ERI1: variants seen among roughly 807,000 people sequenced by gnomAD.
ERI1 encodes the protein 3'-5' exoribonuclease 1.
In ERI1, 39 loss-of-function variants were observed where a neutral mutation model predicts 39.7. That is an observed-to-expected ratio of 0.98 (90% CI 0.76 to 1.28). ERI1 has a LOEUF of 1.28. Among genes scored for constraint, ERI1 ranks in the 50% most tolerant of loss-of-function variants. The pLI, the probability that ERI1 is intolerant of heterozygous loss-of-function variation, is 0.00. For missense variants in ERI1, 581 were observed against 416.9 expected, an observed-to-expected ratio of 1.39 and a Z score of -3.43; for synonymous variants, 204 against 149.6, an observed-to-expected ratio of 1.36 and a Z score of -2.65.
intron 3 of ERI1, among the ~76,000 whole-genome samples, chr8:9,060,876 A>G (rs1798671332): frequency 6.6e-6 from 1 of 152,248 alleles, no homozygotes. Flanking sequence ...TTCTTTTGGA[A>G]GTAAAGCGGC....
rs1036650855 is a variant in ERI1 at position 9,002,941 on chromosome 8, C to A, written c.-123C>A. ...AGGTGGCCGCTGGAGTTTGTGTGGCCGCCGCCGCGGGAACGCGAGCCCGGT... is the reference window on the plus strand; with the variant it reads ...AGGTGGCCGCTGGAGTTTGTGTGGCAGCCGCCGCGGGAACGCGAGCCCGGT... On this transcript the variant is annotated 5_prime_UTR_variant, in exon 1 of 7. Transcript: ENST00000250263. The A allele has an allele frequency of 1.1e-5, 8 of 699,026 alleles. No homozygotes were observed. The highest frequency in any genetic ancestry group is 3.7e-5 in the African/African-American group (2 of 54,372). The allele number at this position is 699,026 out of a possible 1,614,324, so 43.3% of individuals were successfully genotyped here.
intron 2 of ERI1, among the ~76,000 whole-genome samples, chr8:9,010,190 T>C (rs376727551): frequency 4.6e-5 from 7 of 152,192 alleles, no homozygotes; most frequent in African/African-American, 1.7e-4. Flanking sequence ...GCAAAGGAGA[T>C]GTTAAAGATA....
At chr8:9,081,134 A>G (rs907591951) in intron 3 of ERI1, among the ~76,000 whole-genome samples, 2 of 152,210 alleles carry the variant, frequency 1.3e-5, no homozygotes, top group East Asian at 1.9e-4. Context: ...TATAAAGACC[A>G]TCAGATCTCT....
chr8:9,028,151 C>G (rs1012003024), intron 6 of ERI1, among the ~76,000 whole-genome samples: 5 of 152,120 alleles, frequency 3.3e-5, no homozygotes, highest in African/African-American at 1.2e-4. Flanking sequence ...AGACTTGGTT[C>G]TAATTCTTTA....
chr8:9,045,525 G>A (rs1798147569), intron 3 of ERI1, among the ~76,000 whole-genome samples: 1 of 152,006 alleles, frequency 6.6e-6, no homozygotes, highest in African/African-American at 2.4e-5. Flanking sequence ...CCCTGGGCAT[G>A]GTGGCTCATG....
intron 1 of ERI1, chr8:9,004,085 G>A (rs73522591): frequency 7.8e-7 from 1 of 1,289,190 alleles, no homozygotes; most frequent in Non-Finnish European, 1.0e-6. Flanking sequence ...GCCCCTCGCT[G>A]CCTTGTGTTC....
At chr8:9,044,367 G>A (rs1296666031) in intron 3 of ERI1, among the ~76,000 whole-genome samples, 3 of 152,114 alleles carry the variant, frequency 2.0e-5, no homozygotes, top group Non-Finnish European at 4.4e-5. Context: ...GGTGACTTTG[G>A]TGTGGGAATC....
At chr8:9,072,845 G>A (rs957693741) in intron 3 of ERI1, among the ~76,000 whole-genome samples, 16 of 152,318 alleles carry the variant, frequency 1.1e-4, no homozygotes, top group African/African-American at 3.8e-4. Context: ...CACCGAGTGT[G>A]CTCGGGTGAA....
chr8:9,073,016 C>T (rs1299701581), intron 3 of ERI1, among the ~76,000 whole-genome samples: 2 of 152,226 alleles, frequency 1.3e-5, no homozygotes, highest in East Asian at 3.8e-4. Context: ...TTAATTTACA[C>T]CCCTCTTCTA....
At chr8:9,094,187 C>T (rs1432471211) in intron 3 of ERI1, among the ~76,000 whole-genome samples, 2 of 152,114 alleles carry the variant, frequency 1.3e-5, no homozygotes, top group African/African-American at 2.4e-5. Context: ...ACATTAGCTA[C>T]GGTGTTTCTT....
chr8:9,073,375 A>G (rs533855498), intron 3 of ERI1, among the ~76,000 whole-genome samples: 1 of 152,302 alleles, frequency 6.6e-6, no homozygotes, highest in East Asian at 1.9e-4. Flanking sequence ...ATGATCCCCA[A>G]TACTTCCAAG....
chr8:9,055,931 G>A (rs1017720412), intron 3 of ERI1, among the ~76,000 whole-genome samples: 1 of 152,216 alleles, frequency 6.6e-6, no homozygotes, highest in African/African-American at 2.4e-5. Flanking sequence ...AGTTTCTGTG[G>A]CTTGCCTCAG....
At position 9,018,515 on chromosome 8, in the gene ERI1, G is replaced by A. The variant is rs987468051; in HGVS notation, c.692+109G>A. 3 of 629,418 alleles carry A rather than the reference G, an allele frequency of 4.8e-6. No homozygotes were observed. The African/African-American group carries it at 5.5e-5, about 12-fold the overall frequency. 39.0% of individuals were successfully genotyped at this position (629,418 alleles called of 1,614,324 possible). A position where few individuals can be genotyped will look rare whatever the true frequency, so the allele number is the denominator to read the frequency against. On this transcript the variant is annotated intron_variant, in intron 5 of 6. Coordinates refer to ENST00000250263, the MANE Select transcript of ERI1 (RefSeq NM_153332.4). ...ACAAACTATTATTAGAGACCCTAGA[G>A]TCTCACCCCACAGGGAATAGTATTT...
downstream of ERI1, among the ~76,000 whole-genome samples, chr8:9,037,787 A>T (rs1364126764): frequency 6.6e-6 from 1 of 151,922 alleles, no homozygotes; most frequent in African/African-American, 2.4e-5. Flanking sequence ...CTCGAGTAGA[A>T]ATGTTTAATC....
At chr8:9,051,706 C>A (rs1563358396) in intron 3 of ERI1, among the ~76,000 whole-genome samples, 1 of 151,306 alleles carries the variant, frequency 6.6e-6, no homozygotes, top group Non-Finnish European at 1.5e-5. Flanking sequence ...CCTCTTGGTC[C>A]TGCCTAGAAC....
chr8:9,025,150 T>C (rs1818334899), intron 6 of ERI1, among the ~76,000 whole-genome samples: 1 of 152,166 alleles, frequency 6.6e-6, no homozygotes, highest in Admixed American at 6.5e-5. Flanking sequence ...AGAGAAAGGA[T>C]CCCTTACCTA....
At chr8:9,013,471 C>T (rs1585197268) in intron 3 of ERI1, among the ~76,000 whole-genome samples, 1 of 152,008 alleles carries the variant, frequency 6.6e-6, no homozygotes, top group Non-Finnish European at 1.5e-5. Flanking sequence ...CTGGTTCCTC[C>T]TTTCCTTCCC....
At chr8:9,004,190 T>G (rs998746550) in intron 1 of ERI1, 3 of 1,286,404 alleles carry the variant, frequency 2.3e-6, no homozygotes, top group African/African-American at 1.5e-5. Flanking sequence ...TCTTTCTCCT[T>G]CTAAGGTTGT....
At chr8:9,064,722 G>A (rs1358188199) in intron 3 of ERI1, among the ~76,000 whole-genome samples, 1 of 152,068 alleles carries the variant, frequency 6.6e-6, no homozygotes, top group African/African-American at 2.4e-5. Flanking sequence ...CTTTTTCACG[G>A]ACCAAAGAGC....
Sources: allele counts gnomAD v4.1 joint callset (sites outside exome capture counted in the v4.1 genomes callset), GRCh38; gene constraint gnomAD v4.1.1; transcripts MANE v1.5; gene names NCBI Gene and HGNC (gene_info 2026-07-23, HGNC 2026-07-21).